Variants in SGK3 observed in about 807,000 individuals in gnomAD.
The protein encoded by SGK3 is serine/threonine-protein kinase Sgk3.
In SGK3, 47 loss-of-function variants were observed where a neutral mutation model predicts 68.5. That is an observed-to-expected ratio of 0.69 (90% CI 0.54 to 0.87). SGK3 has a LOEUF of 0.87. SGK3 is among the 40% of genes least tolerant of loss of function. The pLI is 0.00. For synonymous variants in SGK3, 181 were observed against 189.1 expected (o/e 0.96, Z 0.35); for missense variants, 479 against 575.5 (o/e 0.83, Z 1.72).
In SGK3 at chr8:66,779,179, A is replaced by C. The variant is rs567568034; in HGVS notation, c.-121-14437A>C. Among the ~76,000 whole-genome samples the C allele has an allele frequency of 1.3e-4, 20 of 152,220 alleles. No homozygotes were observed. The East Asian group carries it at 3.9e-3, about 29-fold the overall frequency. ...AAAGGTGGTAGATATGAGATACTTGAATTTACTATTGTTGAAGTTTATAGT... is the reference window on the plus strand; with the variant it reads ...AAAGGTGGTAGATATGAGATACTTGCATTTACTATTGTTGAAGTTTATAGT... On this transcript the variant is annotated intron_variant, in intron 1 of 16. Transcript: ENST00000521198.
At chr8:66,789,574 GAC>G (rs1164485148) in intron 1 of SGK3, among the ~76,000 whole-genome samples, 7 of 152,214 alleles carry the variant, frequency 4.6e-5, no homozygotes, top group African/African-American at 1.7e-4. Context: ...CTTATTCCCT[GAC>G]ATTACCTCTG....
At chr8:66,725,431 T>A (rs1439330048) in intron 1 of SGK3, among the ~76,000 whole-genome samples, 2 of 151,334 alleles carry the variant, frequency 1.3e-5, no homozygotes, top group Non-Finnish European at 2.9e-5. Flanking sequence ...GTTTATCTCT[T>A]TGGGGTAGGG....
intron 14 of SGK3, among the ~76,000 whole-genome samples, chr8:66,844,621 A>C (rs1809933797): frequency 6.6e-6 from 1 of 152,186 alleles, no homozygotes; most frequent in Admixed American, 6.5e-5. Context: ...GTGGTCCCCT[A>C]AGTGTCCAGC....
At chr8:66,834,950 A>G (rs1282427172) in intron 8 of SGK3, among the ~76,000 whole-genome samples, 1 of 151,600 alleles carries the variant, frequency 6.6e-6, no homozygotes, top group Non-Finnish European at 1.5e-5. Context: ...AAAAAAAAAA[A>G]AAAAAAGAAA....
intron 1 of SGK3, among the ~76,000 whole-genome samples, chr8:66,714,158 A>G (rs1016329774): frequency 6.6e-6 from 1 of 152,234 alleles, no homozygotes; most frequent in Non-Finnish European, 1.5e-5. Flanking sequence ...GACATTATTT[A>G]TATGACATAG....
At chr8:66,844,444 T>C (rs753837694) in intron 14 of SGK3, among the ~76,000 whole-genome samples, 1 of 152,212 alleles carries the variant, frequency 6.6e-6, no homozygotes, top group African/African-American at 2.4e-5. Context: ...TGGCCAGAGC[T>C]TCTGATTAAT....
At chr8:66,757,129 ATTTTTTTT>A (rs796848968) in intron 1 of SGK3, among the ~76,000 whole-genome samples, 2 of 107,048 alleles carry the variant, frequency 1.9e-5, no homozygotes, top group African/African-American at 7.0e-5. Context: ...CTCAGGCCCT[ATTTTTTTT>A]TTTTTTTTTT....
intron 6 of SGK3, among the ~76,000 whole-genome samples, chr8:66,824,421 C>T (rs995887050): frequency 6.6e-6 from 1 of 151,782 alleles, no homozygotes; most frequent in Admixed American, 6.6e-5. Flanking sequence ...ATGCTATTAG[C>T]AAATGAAAAT....
chr8:66,809,075 G>T (rs765520699), intron 4 of SGK3, among the ~76,000 whole-genome samples: 7 of 151,788 alleles, frequency 4.6e-5, no homozygotes, highest in Non-Finnish European at 1.0e-4. Flanking sequence ...CTCCATGTTG[G>T]TCAGGCTGGT....
At chr8:66,858,322 C>T (rs933729378) in intron 16 of SGK3, among the ~76,000 whole-genome samples, 7 of 151,838 alleles carry the variant, frequency 4.6e-5, no homozygotes, top group African/African-American at 9.7e-5. Flanking sequence ...AAAAATTAGC[C>T]GGGCATGGTG....
At chr8:66,828,541 A>G in intron 6 of SGK3, 113 bp from the exon 7 acceptor site, 4 of 1,471,856 alleles carry the variant, frequency 2.7e-6, no homozygotes, top group Non-Finnish European at 3.7e-6. Context: ...GGTTTCTTTA[A>G]CATGGCAACA....
chr8:66,731,418 A>C (rs1226970188), intron 1 of SGK3, among the ~76,000 whole-genome samples: 1 of 152,238 alleles, frequency 6.6e-6, no homozygotes, highest in Non-Finnish European at 1.5e-5. Context: ...ATTCGTTACC[A>C]AGATAAAAGG....
chr8:66,760,558 T>C (rs747201394), intron 1 of SGK3, among the ~76,000 whole-genome samples: 3 of 151,938 alleles, frequency 2.0e-5, no homozygotes, highest in Admixed American at 6.6e-5. Context: ...ATGGTCTTGA[T>C]CTTCTGACCT....
chr8:66,746,559 A>G (rs75854139), intron 1 of SGK3, among the ~76,000 whole-genome samples: 1 of 146,804 alleles, frequency 6.8e-6, no homozygotes, highest in Admixed American at 6.8e-5. Context: ...CTGTCTCTAC[A>G]TTTTTTTTTT....
At chr8:66,786,060 C>T (rs1807186579) in intron 1 of SGK3, among the ~76,000 whole-genome samples, 2 of 152,074 alleles carry the variant, frequency 1.3e-5, no homozygotes, top group African/African-American at 4.8e-5. Context: ...TATGTCAATC[C>T]CCTTCTTACT....
At chr8:66,813,243 G>C (rs1808450597) in intron 4 of SGK3, among the ~76,000 whole-genome samples, 1 of 152,122 alleles carries the variant, frequency 6.6e-6, no homozygotes, top group South Asian at 2.1e-4. Context: ...AACAGAACAA[G>C]ACTCAATCTC....
chr8:66,779,567 TATATATA>T (rs1806875464), intron 1 of SGK3, among the ~76,000 whole-genome samples: 2 of 85,940 alleles, frequency 2.3e-5, no homozygotes, highest in South Asian at 6.8e-4. Flanking sequence ...TGTGAATATA[TATATATA>T]TATATATATA....
At position 66,847,164 on chromosome 8, in the gene SGK3, A is replaced by G. The variant is rs778142895; in HGVS notation, c.1075-29A>G. On this transcript the variant is annotated intron_variant, in intron 14 of 16. Coordinates refer to ENST00000521198, the MANE Select transcript of SGK3 (RefSeq NM_001033578.3). ...ATTTGCGCATAATTTGTTTACCACT[A>G]AGTTTATTTTGCTTTTTTTTTTTTC... 8 of 1,584,512 alleles carry G rather than the reference A, an allele frequency of 5.0e-6. No homozygotes were observed. The Admixed American group carries it at 1.5e-4, about 30-fold the overall frequency.
chr8:66,796,793 G>C (rs1283957507), intron 2 of SGK3, among the ~76,000 whole-genome samples: 1 of 152,158 alleles, frequency 6.6e-6, no homozygotes, highest in Non-Finnish European at 1.5e-5. Flanking sequence ...TGGAACAAGA[G>C]TGACGTTAAC....
Sources: allele counts gnomAD v4.1 joint callset (sites outside exome capture counted in the v4.1 genomes callset), GRCh38; gene constraint gnomAD v4.1.1; transcripts MANE v1.5; gene names NCBI Gene and HGNC (gene_info 2026-07-23, HGNC 2026-07-21).